The following TMEM68 variants were observed in gnomAD, a reference collection of about 807,000 sequenced individuals.
TMEM68 encodes DGAT1/2-independent enzyme synthesizing storage lipids.
A neutral mutation model predicts 36.9 loss-of-function variants in TMEM68; 25 were observed. That is an observed-to-expected ratio of 0.68 (90% CI 0.49 to 0.95). The LOEUF is 0.95. Ranked by LOEUF, TMEM68 falls within the 40% of genes least tolerant of loss-of-function variation. The pLI is 0.00. For missense variants in TMEM68, 333 were observed against 392.0 expected, an observed-to-expected ratio of 0.85 and a Z score of 1.27; for synonymous variants, 131 against 124.4, an observed-to-expected ratio of 1.05 and a Z score of -0.35.
intron 4 of TMEM68, among the ~76,000 whole-genome samples, chr8:55,754,741 T>C (rs866252507): frequency 1.5e-4 from 19 of 128,070 alleles, no homozygotes; most frequent in African/African-American, 5.0e-4. Context: ...CATACTTATA[T>C]ATATATTATA....
At chr8:55,764,904 C>A (rs1225353006) in intron 1 of TMEM68, among the ~76,000 whole-genome samples, 2 of 152,132 alleles carry the variant, frequency 1.3e-5, no homozygotes, top group Non-Finnish European at 1.5e-5. Flanking sequence ...GAAACTCCAT[C>A]TCTACTAAAA....
At position 55,756,223 on chromosome 8, in the gene TMEM68, C is replaced by T. The variant is rs547414312; in HGVS notation, c.493+21G>A. The T allele has an allele frequency of 1.1e-5, 17 of 1,588,480 alleles. No homozygotes were observed. The African/African-American group carries it at 2.2e-4, about 20-fold the overall frequency. On this transcript the variant is annotated intron_variant, in intron 4 of 7. Coordinates refer to ENST00000434581, the MANE Select transcript of TMEM68 (RefSeq NM_001286657.2). ...TTGTTAATAAAACATTTTTACATTA[C>T]TATCTACAGTGAAAGTTTACCTGGA...
chr8:55,754,679 A>AATATATTATATATAAAATACATACTTAT (rs1810528679), intron 4 of TMEM68, among the ~76,000 whole-genome samples: 4 of 101,072 alleles, frequency 4.0e-5, no homozygotes, highest in East Asian at 5.7e-4. Flanking sequence ...TATATTATGT[A>AATATATTATATATAAAATACATACTTAT]ATATATATTA....
chr8:55,756,224 T>C lies in TMEM68; in HGVS notation c.493+20A>G, dbSNP rs1810604259. On this transcript the variant is annotated intron_variant, in intron 4 of 7. Transcript: ENST00000434581. Reference sequence around the variant, plus strand: ...TGTTAATAAAACATTTTTACATTACTATCTACAGTGAAAGTTTACCTGGAA... The same window carrying C: ...TGTTAATAAAACATTTTTACATTACCATCTACAGTGAAAGTTTACCTGGAA... 6.3e-7 allele frequency: 1 copy of C among 1,590,060 alleles called. No homozygotes were observed. The highest frequency in any genetic ancestry group is 8.5e-7 in the Non-Finnish European group (1 of 1,172,806).
intron 5 of TMEM68, chr8:55,747,896 G>A (rs1810330471): frequency 6.6e-6 from 1 of 152,162 alleles, no homozygotes; most frequent in Non-Finnish European, 1.5e-5. Context: ...CAACCAGTAT[G>A]GCTGGATTTA....
At chr8:55,743,333 A>C in intron 7 of TMEM68, 148 bp downstream of exon 7, 1 of 1,036,858 alleles carries the variant, frequency 9.6e-7, no homozygotes, top group South Asian at 2.0e-5. Context: ...GGGATTAGCA[A>C]ATGTTCCCTA....
intron 5 of TMEM68, chr8:55,746,953 CAA>C (rs1810298499): frequency 6.6e-6 from 1 of 152,134 alleles, no homozygotes; most frequent in Admixed American, 6.5e-5. Flanking sequence ...GTAAACAGAG[CAA>C]AGAGACAATG....
rs1243787724 is a variant in TMEM68 at position 55,743,723 on chromosome 8, AAG to A, written c.749-105_749-104del. 6 of 1,061,038 alleles carry A rather than the reference AAG, an allele frequency of 5.7e-6. No homozygotes were observed. In the African/African-American group the frequency reaches 8.1e-5, roughly 14 times the overall value. 65.7% of individuals were successfully genotyped at this position (1,061,038 alleles called of 1,614,324 possible). A position where few individuals can be genotyped will look rare whatever the true frequency, so the allele number is the denominator to read the frequency against. On this transcript the variant is annotated intron_variant, in intron 6 of 7. Transcript: ENST00000434581. ...GTAGGACTTACAGGAAGGTGGCAAA[AAG>A]TATCACTTCTTGGCAATTAATACAA...
intron 5 of TMEM68, among the ~76,000 whole-genome samples, chr8:55,748,583 G>GAA (rs1491141805): frequency 6.6e-6 from 1 of 150,948 alleles, no homozygotes; most frequent in Non-Finnish European, 1.5e-5. Context: ...GGAAGGGGGG[G>GAA]AGAGAGAGAG....
chr8:55,772,176 G>A (rs535304743), intron 1 of TMEM68, among the ~76,000 whole-genome samples: 1 of 152,194 alleles, frequency 6.6e-6, no homozygotes, highest in Non-Finnish European at 1.5e-5. Flanking sequence ...CAGCAGTAAG[G>A]AGGTGGGAAT....
intron 6 of TMEM68, 34 bp from the exon 7 acceptor site, chr8:55,743,654 T>A: frequency 2.0e-6 from 3 of 1,476,926 alleles, no homozygotes; most frequent in Non-Finnish European, 2.7e-6. Flanking sequence ...TTTTAACTTG[T>A]TAAGTATTCT....
intron 1 of TMEM68, among the ~76,000 whole-genome samples, chr8:55,765,391 T>G (rs2130023565): frequency 6.6e-6 from 1 of 152,350 alleles, no homozygotes; most frequent in Middle Eastern, 3.4e-3. Flanking sequence ...ACTCCAGTTA[T>G]CTGATACTGA....
intron 1 of TMEM68, among the ~76,000 whole-genome samples, chr8:55,769,027 A>T (rs560331242): frequency 1.4e-5 from 2 of 146,468 alleles, no homozygotes; most frequent in Non-Finnish European, 3.0e-5. Flanking sequence ...TTAAAAAAAA[A>T]AAAAAAAAAA....
chr8:55,759,909 C>T lies in TMEM68; in HGVS notation c.325+2726G>A, dbSNP rs376547290. On this transcript the variant is annotated intron_variant, in intron 3 of 7. Coordinates refer to ENST00000434581, the MANE Select transcript of TMEM68 (RefSeq NM_001286657.2). Reference sequence around the variant, plus strand: ...AGCGAGATCAGAGGCTCATGCCATCCCTGCCCCTTCCTTCCACACTGCAAG... The same window carrying T: ...AGCGAGATCAGAGGCTCATGCCATCTCTGCCCCTTCCTTCCACACTGCAAG... Among the ~76,000 whole-genome samples the T allele has an allele frequency of 1.5e-4, 23 of 152,280 alleles. No individual in the cohort carries two copies. In the South Asian group the frequency reaches 2.5e-3, roughly 16 times the overall value.
chr8:55,743,834 G>A (rs1453836829), intron 6 of TMEM68, among the ~76,000 whole-genome samples: 1 of 151,922 alleles, frequency 6.6e-6, no homozygotes, highest in Non-Finnish European at 1.5e-5. Context: ...GAAACTAGGG[G>A]ATGGTGAGAA....
chr8:55,743,344 G>A (rs536696393), intron 7 of TMEM68, 137 bp downstream of exon 7: 1 of 1,119,446 alleles, frequency 8.9e-7, no homozygotes, highest in Non-Finnish European at 1.2e-6. Flanking sequence ...ATGTTCCCTA[G>A]GGTATACAAT....
chr8:55,760,243 G>C (rs142971587), intron 3 of TMEM68, among the ~76,000 whole-genome samples: 72 of 152,362 alleles, frequency 4.7e-4, no homozygotes, highest in African/African-American at 1.7e-3. Flanking sequence ...AAGTTGGGAA[G>C]TCAGGATATT....
At chr8:55,761,132 A>C (rs895880873) in intron 3 of TMEM68, 7 of 152,238 alleles carry the variant, frequency 4.6e-5, no homozygotes, top group Non-Finnish European at 7.3e-5. Context: ...AGTAAACCTT[A>C]AAACCTAGGG....
intron 4 of TMEM68, among the ~76,000 whole-genome samples, chr8:55,754,701 CATACTT>C (rs1423450007): frequency 8.4e-6 from 1 of 118,852 alleles, no homozygotes; most frequent in African/African-American, 3.6e-5. Context: ...ATATGAAATA[CATACTT>C]ATATATATAT....
Sources: gnomAD v4.1 joint callset for allele counts (sites outside exome capture counted in the v4.1 genomes callset) on GRCh38, gnomAD v4.1.1 for gene constraint, MANE v1.5 for transcripts, NCBI Gene and HGNC (gene_info 2026-07-23, HGNC 2026-07-21) for gene names.